Variants in ASAH2 observed in about 807,000 individuals in gnomAD.
ASAH2 encodes N-acylsphingosine amidohydrolase 2.
A neutral mutation model predicts 82.9 loss-of-function variants in ASAH2; 58 were observed. The ratio of observed to expected loss-of-function variants is 0.70; its 90% CI spans 0.57 to 0.87. The LOEUF (loss-of-function observed/expected upper bound fraction) is 0.87, where lower values mean the gene tolerates loss of function less well. Ranked by LOEUF, ASAH2 falls within the 40% of genes least tolerant of loss-of-function variation. The probability of loss-of-function intolerance (pLI) is 0.00; values close to 1 mark genes in which losing one functional copy is unlikely to be tolerated. For missense variants in ASAH2, 779 were observed against 834.0 expected (o/e 0.93, Z 0.81); for synonymous variants, 276 against 289.7 (o/e 0.95, Z 0.48).
At chr10:50,204,764 G>A in intron 14 of ASAH2, 97 bp downstream of exon 14, 1 of 952,754 alleles carries the variant, frequency 1.0e-6, no homozygotes, top group African/African-American at 1.6e-5. Context: ...AGGATACCAA[G>A]GGGTCAACAC....
intron 7 of ASAH2, among the ~76,000 whole-genome samples, chr10:50,225,446 C>A (rs924459232): frequency 5.3e-5 from 8 of 152,078 alleles, no homozygotes; most frequent in Non-Finnish European, 1.0e-4. Flanking sequence ...TTAAAAAATC[C>A]TTGCACATTA....
chr10:50,232,460 G>A (rs1411037512), intron 7 of ASAH2, among the ~76,000 whole-genome samples: 3 of 151,960 alleles, frequency 2.0e-5, no homozygotes, highest in Non-Finnish European at 4.4e-5. Context: ...ACTTCCCTAG[G>A]GCATGTCTGC....
intron 4 of ASAH2, among the ~76,000 whole-genome samples, chr10:50,239,223 C>G (rs1846232501): frequency 2.0e-5 from 3 of 152,132 alleles, no homozygotes; most frequent in Admixed American, 2.0e-4. Flanking sequence ...CACTGAGAAC[C>G]TACATAGAAG....
intron 4 of ASAH2, among the ~76,000 whole-genome samples, chr10:50,239,432 C>T (rs1186858332): frequency 6.6e-6 from 1 of 152,108 alleles, no homozygotes; most frequent in Non-Finnish European, 1.5e-5. Context: ...CAAAACAACA[C>T]ATTAAACTCC....
intron 15 of ASAH2, 80 bp downstream of exon 15, chr10:50,203,560 T>TATAG (rs1216400271): frequency 1.7e-6 from 1 of 582,716 alleles, no homozygotes; most frequent in African/African-American, 1.9e-5. Context: ...GAACTCTAGA[T>TATAG]ATAGGATCAT....
rs1846428194 is a variant in ASAH2 at position 50,245,435 on chromosome 10, A to G, written c.147T>C (p.Phe49=). The G allele has an allele frequency of 1.9e-6, 3 of 1,613,184 alleles. No homozygotes were observed. In the African/African-American group the frequency reaches 4.0e-5, roughly 22 times the overall value. The change falls in exon 3 of 21, where the codon TTT becomes TTC. Residue 49 remains phenylalanine, a synonymous_variant. Transcript: ENST00000682911. ...TGGCTGGAGGGCTTTGGGTGGTTGA[A>G]AAAAAATGGCCTCCTAAATCTAAAA... is the stretch of plus-strand genomic sequence containing the variant. The part of the protein sequence containing the change: ...ENHKDLGGHF[F]STTQSPPATQ...
intron 3 of ASAH2, among the ~76,000 whole-genome samples, chr10:50,244,424 G>A (rs954971921): frequency 6.6e-6 from 1 of 152,232 alleles, no homozygotes; most frequent in Non-Finnish European, 1.5e-5. Flanking sequence ...CCTCCTGGGA[G>A]TGTTTATTTA....
chr10:50,216,773 G>T (rs1277330112), intron 8 of ASAH2, among the ~76,000 whole-genome samples: 2 of 152,162 alleles, frequency 1.3e-5, no homozygotes, highest in Non-Finnish European at 2.9e-5. Flanking sequence ...CTTAGGGAAA[G>T]AGATAACTAA....
intron 7 of ASAH2, among the ~76,000 whole-genome samples, chr10:50,231,642 G>A (rs1422733486): frequency 6.6e-6 from 1 of 152,156 alleles, no homozygotes; most frequent in African/African-American, 2.4e-5. Flanking sequence ...TTTAGAAAGT[G>A]TGCTGAGTTA....
chr10:50,228,985 G>C (rs954897423), intron 7 of ASAH2, among the ~76,000 whole-genome samples: 2 of 152,098 alleles, frequency 1.3e-5, no homozygotes, highest in African/African-American at 4.8e-5. Flanking sequence ...AAATAAGTCG[G>C]CCTCCTCACC....
In ASAH2 at chr10:50,211,024, A is replaced by C; in HGVS notation, c.1332+6T>G. ...GGCATAACCAGTGTGTCTCAGCAGC[A>C]CTTACTGCATGTGTGGAATTGAGCC... On this transcript the variant is annotated splice_donor_region_variant and intron_variant, in intron 11 of 20. Transcript: ENST00000682911. 5.6e-6 allele frequency: 9 copies of C among 1,612,370 alleles called. No individual in the cohort carries two copies. Among genetic ancestry groups the C allele is most frequent in the Non-Finnish European group, 7.6e-6 (9 of 1,178,468 alleles).
chr10:50,231,544 C>T (rs1325688950), intron 7 of ASAH2, among the ~76,000 whole-genome samples: 1 of 152,130 alleles, frequency 6.6e-6, no homozygotes, highest in Non-Finnish European at 1.5e-5. Context: ...TTGCCCCAAT[C>T]ACCCCACCAG....
intron 8 of ASAH2, among the ~76,000 whole-genome samples, chr10:50,215,292 C>A (rs1466485141): frequency 6.6e-6 from 1 of 151,300 alleles, no homozygotes; most frequent in Non-Finnish European, 1.5e-5. Flanking sequence ...ATATGGCTAG[C>A]CAGTTTCCCC....
chr10:50,250,002 G>T (rs985944037), intron 1 of ASAH2, among the ~76,000 whole-genome samples: 3 of 151,960 alleles, frequency 2.0e-5, no homozygotes, highest in African/African-American at 4.8e-5. Flanking sequence ...ATTTGACTTA[G>T]GTAACAAGAT....
chr10:50,213,324 T>C (rs1447008957), intron 9 of ASAH2, among the ~76,000 whole-genome samples: 2 of 152,172 alleles, frequency 1.3e-5, no homozygotes, highest in South Asian at 2.1e-4. Flanking sequence ...TTGCTGATTA[T>C]GCAGGTATCT....
intron 2 of ASAH2, among the ~76,000 whole-genome samples, chr10:50,246,718 C>T (rs139132155): frequency 2.6e-4 from 40 of 152,248 alleles, no homozygotes; most frequent in Admixed American, 7.2e-4. Context: ...GATGCTCTTT[C>T]GACCAAATTC....
At chr10:50,240,406 T>C (rs1846265194) in intron 4 of ASAH2, 2 of 701,210 alleles carry the variant, frequency 2.9e-6, no homozygotes, top group Non-Finnish European at 5.2e-6. Flanking sequence ...TCAGTATCTC[T>C]TTAAAGAATC....
intron 7 of ASAH2, among the ~76,000 whole-genome samples, chr10:50,232,864 T>C (rs1846053832): frequency 6.6e-6 from 1 of 152,168 alleles, no homozygotes; most frequent in Admixed American, 6.6e-5. Flanking sequence ...ACATGTGAGA[T>C]CTTGATAACA....
intron 5 of ASAH2, 79 bp downstream of exon 5, chr10:50,235,809 C>T (rs1424015147): frequency 1.3e-6 from 2 of 1,500,408 alleles, no homozygotes; most frequent in Admixed American, 1.7e-5. Context: ...TATAGGGATT[C>T]TTTATATCAC....
Sources: allele counts gnomAD v4.1 joint callset (sites outside exome capture counted in the v4.1 genomes callset), GRCh38; gene constraint gnomAD v4.1.1; transcripts MANE v1.5; gene names NCBI Gene and HGNC (gene_info 2026-07-23, HGNC 2026-07-21).